The following ELMOD2 variants were observed in gnomAD, a reference collection of about 807,000 sequenced individuals.
ELMOD2 encodes ELMO domain-containing protein 2.
Under a neutral mutation model 41.0 loss-of-function variants are expected in ELMOD2, and 28 were observed. The observed-to-expected ratio is 0.68, with a 90% CI of 0.51 to 0.94. The LOEUF (loss-of-function observed/expected upper bound fraction) is 0.94. Among genes scored for constraint, ELMOD2 ranks in the 40% least tolerant of loss-of-function variants. ELMOD2 has a pLI of 0.00. For synonymous variants in ELMOD2, 106 were observed against 107.2 expected, an observed-to-expected ratio of 0.99 and a Z score of 0.07; for missense variants, 333 against 343.1, an observed-to-expected ratio of 0.97 and a Z score of 0.23.
intron 7 of ELMOD2, 137 bp downstream of exon 7, chr4:140,542,779 T>C (rs540518760): frequency 1.7e-6 from 1 of 605,170 alleles, no homozygotes; most frequent in Non-Finnish European, 2.6e-6. Context: ...TATTACATGA[T>C]ACATTATTTT....
intron 8 of ELMOD2, among the ~76,000 whole-genome samples, chr4:140,544,975 G>A (rs1434497055): frequency 6.6e-6 from 1 of 152,112 alleles, no homozygotes; most frequent in African/African-American, 2.4e-5. Context: ...TCCCCCTAGT[G>A]CAGTGTCCAC....
At position 140,547,973 on chromosome 4, in the gene ELMOD2, T is replaced by G. The variant is rs1390588077; in HGVS notation, c.737-2257T>G. Among the ~76,000 whole-genome samples the G allele has an allele frequency of 4.6e-5, 7 of 152,174 alleles. No homozygotes were observed. In the East Asian group the frequency reaches 1.3e-3, roughly 29 times the overall value. On this transcript the variant is annotated intron_variant, in intron 8 of 8. Coordinates refer to ENST00000323570, the MANE Select transcript of ELMOD2 (RefSeq NM_153702.4). ...CAGTTTCCTAGAATTTCAGTATTTT[T>G]TCCTGTGGTTTCCTGATGTCACATT...
intron 4 of ELMOD2, among the ~76,000 whole-genome samples, chr4:140,536,440 T>A (rs955147289): frequency 5.9e-5 from 9 of 152,166 alleles, no homozygotes; most frequent in African/African-American, 2.2e-4. Flanking sequence ...AGGAGGGAAC[T>A]GAGGATAGTT....
At chr4:140,540,378 A>T in intron 6 of ELMOD2, 77 bp downstream of exon 6, 1 of 1,545,298 alleles carries the variant, frequency 6.5e-7, no homozygotes, top group Non-Finnish European at 8.8e-7. Flanking sequence ...TCTAATAAGA[A>T]GTGATCTAGT....
intron 3 of ELMOD2, among the ~76,000 whole-genome samples, chr4:140,528,328 G>C (rs1274797924): frequency 2.0e-5 from 3 of 152,136 alleles, no homozygotes; most frequent in Non-Finnish European, 4.4e-5. Flanking sequence ...CCCTATTGTA[G>C]TTCACAATTT....
chr4:140,527,735 T>A, intron 3 of ELMOD2: 5 of 425,570 alleles, frequency 1.2e-5, no homozygotes, highest in Non-Finnish European at 2.1e-5. Flanking sequence ...TTATTTTGCT[T>A]TAAGAGTTGA....
At chr4:140,536,289 TAAG>T (rs1007199786) in intron 4 of ELMOD2, among the ~76,000 whole-genome samples, 1 of 152,190 alleles carries the variant, frequency 6.6e-6, no homozygotes, top group African/African-American at 2.4e-5. Context: ...CTAAGTTCCA[TAAG>T]AAGAGGACTT....
Position 140,543,447 on chromosome 4 carries a change from A to T in ELMOD2, c.603-6A>T. 6.3e-7 allele frequency: 1 copy of T among 1,590,000 alleles called. No homozygotes were observed. Among genetic ancestry groups the T allele is most frequent in the East Asian group, 2.3e-5 (1 of 43,970 alleles). On this transcript the variant is annotated splice_polypyrimidine_tract_variant and splice_region_variant and intron_variant, in intron 7 of 8. Transcript: ENST00000323570. ...GCTGGTATAACTGGTAATGTTTCTGACATAGGTATTCTTATGCAATAGTTG... is the reference window on the plus strand; with the variant it reads ...GCTGGTATAACTGGTAATGTTTCTGTCATAGGTATTCTTATGCAATAGTTG...
At position 140,543,642 on chromosome 4, in the gene ELMOD2, A is replaced by G. The variant is rs1437098606; in HGVS notation, c.736+56A>G. 3.8e-6 allele frequency: 5 copies of G among 1,310,698 alleles called. No homozygotes were observed. The East Asian group carries it at 1.0e-4, about 26-fold the overall frequency. 81.2% of individuals were successfully genotyped at this position (1,310,698 alleles called of 1,614,324 possible). A position where few individuals can be genotyped will look rare whatever the true frequency, so the allele number is the denominator to read the frequency against. On this transcript the variant is annotated intron_variant, in intron 8 of 8. Transcript: ENST00000323570. Reference sequence around the variant, plus strand: ...TTTCTAAGATAATTCTTAAACCACTAGGAATGTATAATATATATTTTAATC... The same window carrying G: ...TTTCTAAGATAATTCTTAAACCACTGGGAATGTATAATATATATTTTAATC...
At chr4:140,537,373 A>G (rs1400948464) in intron 4 of ELMOD2, 39 bp from the exon 5 acceptor site, 1 of 1,445,400 alleles carries the variant, frequency 6.9e-7, no homozygotes, top group African/African-American at 1.5e-5. Context: ...TATTGTGATA[A>G]GAGGGTATGC....
intron 8 of ELMOD2, among the ~76,000 whole-genome samples, chr4:140,548,416 T>C (rs1735360596): frequency 6.6e-6 from 1 of 152,172 alleles, no homozygotes; most frequent in Non-Finnish European, 1.5e-5. Context: ...TTGACAAAAA[T>C]CTGTTTTATC....
rs1161816033 is a variant in ELMOD2, at chr4:140,550,284, T to G, written c.791T>G (p.Ile264Ser). The change falls in exon 9 of 9, where the codon ATT (isoleucine) becomes AGT (serine). Residue 264 changes from isoleucine to serine, a missense_variant. Ile to Ser is a moderately radical substitution (Grantham distance 142). Coordinates refer to ENST00000323570, the MANE Select transcript of ELMOD2 (RefSeq NM_153702.4). ...KFWFEEEPESIMYFNLYREKF... is the reference protein window; with the variant it reads ...KFWFEEEPESSMYFNLYREKF... Reference sequence around the variant, plus strand: ...TGGTTTGAAGAAGAACCAGAAAGCATTATGTATTTCAATTTGTATAGAGAG... The same window carrying G: ...TGGTTTGAAGAAGAACCAGAAAGCAGTATGTATTTCAATTTGTATAGAGAG... 1 of 1,611,822 alleles carries G rather than the reference T, an allele frequency of 6.2e-7. No homozygotes were observed. The highest frequency in any genetic ancestry group is 8.5e-7 in the Non-Finnish European group (1 of 1,178,804).
intron 1 of ELMOD2, chr4:140,524,752 T>C (rs1477026834): frequency 1.8e-6 from 1 of 556,046 alleles, no homozygotes; most frequent in African/African-American, 2.1e-5. Context: ...CCCTGACTTT[T>C]TCATTTAGAA....
At chr4:140,532,105 A>T (rs990182360) in intron 3 of ELMOD2, among the ~76,000 whole-genome samples, 5 of 152,090 alleles carry the variant, frequency 3.3e-5, no homozygotes, top group Middle Eastern at 3.2e-3. Context: ...AAAGTCCTTA[A>T]CAGAATGCTA....
rs1168537503 is a variant in ELMOD2, at chr4:140,551,559, G to A, written c.*1184G>A. Reference sequence around the variant, plus strand: ...TTTTTATGGGAATGATTTCTTCTTGGTGCGTTTTACACATTTGTACTGATA... The same window carrying A: ...TTTTTATGGGAATGATTTCTTCTTGATGCGTTTTACACATTTGTACTGATA... On this transcript the variant is annotated 3_prime_UTR_variant, in exon 9 of 9. Transcript: ENST00000323570. 1 of 152,000 alleles carries A rather than the reference G, an allele frequency of 6.6e-6. No homozygotes were observed. The highest frequency in any genetic ancestry group is 1.9e-4 in the East Asian group (1 of 5,194). The allele number at this position is 152,000 out of a possible 1,614,324, so 9.4% of individuals were successfully genotyped here. A position where few individuals can be genotyped will look rare whatever the true frequency, so the allele number is the denominator to read the frequency against.
chr4:140,539,995 A>T (rs1735055600), intron 5 of ELMOD2, among the ~76,000 whole-genome samples, 173 bp from the exon 6 acceptor site: 1 of 152,202 alleles, frequency 6.6e-6, no homozygotes, highest in Non-Finnish European at 1.5e-5. Context: ...TGTTCTTTAT[A>T]CCAGTCTTTT....
Position 140,551,525 on chromosome 4 carries a change from G to A in ELMOD2, c.*1150G>A, listed in dbSNP as rs1358925301. On this transcript the variant is annotated 3_prime_UTR_variant, in exon 9 of 9. Coordinates refer to ENST00000323570, the MANE Select transcript of ELMOD2 (RefSeq NM_153702.4). ...AGCAAGTGCTGTCAACGATTATATA[G>A]TGATGAGATTTTTATGGGAATGATT... 6.6e-6 allele frequency: 1 copy of A among 152,068 alleles called. No homozygotes were observed. Among genetic ancestry groups the A allele is most frequent in the African/African-American group, 2.4e-5 (1 of 41,444 alleles). 9.4% of individuals were successfully genotyped at this position (152,068 alleles called of 1,614,324 possible).
At position 140,543,565 on chromosome 4, in the gene ELMOD2, G is replaced by C; in HGVS notation, c.715G>C (p.Glu239Gln). Reference protein sequence around the residue: ...YNLVPGIPTMEHFHQFYCYLV... With the variant: ...YNLVPGIPTMQHFHQFYCYLV... ...CCTTGTTCCTGGTATACCAACAATG[G>C]AACACTTTCATCAGTTTTACTGTGA... Residue 239 changes from glutamate to glutamine, a missense_variant, in exon 8 of 9, where the codon GAA becomes CAA. Coordinates refer to ENST00000323570, the MANE Select transcript of ELMOD2 (RefSeq NM_153702.4). The C allele has an allele frequency of 3.8e-6, 6 of 1,596,720 alleles. No individual in the cohort carries two copies. The highest frequency in any genetic ancestry group is 5.1e-6 in the Non-Finnish European group (6 of 1,175,384).
At chr4:140,528,236 GGTAGGGAGTAGGTT>G (rs2110821252) in intron 3 of ELMOD2, among the ~76,000 whole-genome samples, 1 of 152,324 alleles carries the variant, frequency 6.6e-6, no homozygotes, top group Non-Finnish European at 1.5e-5. Flanking sequence ...GTAAGGCTAT[GGTAGGGAGTAGGTT>G]GTATAATTCA....
Sources: allele counts gnomAD v4.1 joint callset (sites outside exome capture counted in the v4.1 genomes callset), GRCh38; gene constraint gnomAD v4.1.1; transcripts MANE v1.5; gene names NCBI Gene and HGNC (gene_info 2026-07-23, HGNC 2026-07-21).